ANKFN1: variants seen among roughly 807,000 people sequenced by gnomAD.
ANKFN1 encodes ankyrin repeat and fibronectin type III domain containing 1.
ANKFN1 carries 74 observed loss-of-function variants against 108.7 expected under a neutral mutation model. That is an observed-to-expected ratio of 0.68 (90% CI 0.56 to 0.83). The LOEUF (loss-of-function observed/expected upper bound fraction) is 0.83, where lower values mean the gene tolerates loss of function less well. Among genes scored for constraint, ANKFN1 ranks in the 40% least tolerant of loss-of-function variants. ANKFN1 has a pLI of 0.00. For synonymous variants in ANKFN1, 547 were observed against 516.2 expected, an observed-to-expected ratio of 1.06 and a Z score of -0.81; for missense variants, 1,505 against 1,382.3, an observed-to-expected ratio of 1.09 and a Z score of -1.41.
intron 4 of ANKFN1, among the ~76,000 whole-genome samples, chr17:56,061,711 C>T (rs1904979137): frequency 6.6e-6 from 1 of 152,100 alleles, no homozygotes; most frequent in African/African-American, 2.4e-5. Context: ...CAAAAAACAC[C>T]TCCTGGATTT....
intron 3 of ANKFN1, among the ~76,000 whole-genome samples, chr17:56,251,484 G>A (rs2043234928): frequency 6.6e-6 from 1 of 152,160 alleles, no homozygotes; most frequent in Non-Finnish European, 1.5e-5. Flanking sequence ...TCTGTTTGGG[G>A]CAGGTTTTTT....
intron 3 of ANKFN1, among the ~76,000 whole-genome samples, chr17:56,276,017 G>A (rs2144212047): frequency 6.6e-6 from 1 of 152,066 alleles, no homozygotes; most frequent in South Asian, 2.1e-4. Context: ...CCCTCCCCTA[G>A]CCTCCCACCC....
At chr17:56,449,498 G>T (rs564731681) in intron 11 of ANKFN1, among the ~76,000 whole-genome samples, 1 of 152,226 alleles carries the variant, frequency 6.6e-6, no homozygotes, top group Non-Finnish European at 1.5e-5. Flanking sequence ...AACGGGGCTA[G>T]CTCTTTGGGA....
intron 8 of ANKFN1, among the ~76,000 whole-genome samples, chr17:56,395,010 C>G (rs1307433872): frequency 6.6e-6 from 1 of 152,162 alleles, no homozygotes; most frequent in African/African-American, 2.4e-5. Context: ...GCTGAAGGGC[C>G]TCTCCAGTCC....
intron 4 of ANKFN1, among the ~76,000 whole-genome samples, chr17:56,100,299 C>G (rs866017502): frequency 3.3e-5 from 5 of 152,222 alleles, no homozygotes; most frequent in South Asian, 2.1e-4. Context: ...GCTGGAGCTC[C>G]TAGGATTTTA....
At chr17:56,362,784 A>G (rs1408862199) in intron 6 of ANKFN1, among the ~76,000 whole-genome samples, 1 of 152,224 alleles carries the variant, frequency 6.6e-6, no homozygotes, top group Non-Finnish European at 1.5e-5. Flanking sequence ...TTTTCACAGC[A>G]AAGGAAACAA....
At chr17:56,480,362 G>GA (rs2050653987) in intron 16 of ANKFN1, among the ~76,000 whole-genome samples, 1 of 152,102 alleles carries the variant, frequency 6.6e-6, no homozygotes, top group South Asian at 2.1e-4. Flanking sequence ...TGCAGAGAAA[G>GA]AAAAATGAAG....
In ANKFN1 at chr17:56,374,689, T is replaced by C. The variant is rs766114479; in HGVS notation, c.885T>C (p.Asn295=). 1.9e-6 allele frequency: 3 copies of C among 1,613,686 alleles called. No individual in the cohort carries two copies. The African/African-American group carries it at 4.0e-5, about 22-fold the overall frequency. ...TVSFQEPLSV[N]AAVVTRYKVE... ...GCTTCCAAGAGCCTCTTAGCGTCAA[T>C]GCAGCTGTAGTAACCAGGTATAAAG... The change falls in exon 8 of 21, where the codon AAT becomes AAC. Residue 295 remains asparagine, a synonymous_variant. Transcript: ENST00000682825.
chr17:56,455,758 A>G (rs1024001384), intron 11 of ANKFN1, among the ~76,000 whole-genome samples: 1 of 152,254 alleles, frequency 6.6e-6, no homozygotes, highest in Non-Finnish European at 1.5e-5. Context: ...TAAGCAGAAG[A>G]CCTGAACAGA....
chr17:56,492,428 G>A lies in ANKFN1; in HGVS notation c.2427+75G>A, dbSNP rs116193018. On this transcript the variant is annotated intron_variant, in intron 19 of 20. Transcript: ENST00000682825. ...GGAAAGGGTGAAAAGCCAAGCATGG[G>A]AAAGGACAGCAGTCCAGGCTGATTC... The A allele has an allele frequency of 4.8e-3, 3,248 of 674,854 alleles. 74 individuals carry two copies. In the African/African-American group the frequency reaches 0.051, roughly 11 times the overall value. The allele number at this position is 674,854 out of a possible 1,614,324, so 41.8% of individuals were successfully genotyped here.
intron 16 of ANKFN1, among the ~76,000 whole-genome samples, chr17:56,479,187 T>G (rs1431757330): frequency 3.3e-5 from 5 of 152,210 alleles, no homozygotes; most frequent in Non-Finnish European, 7.3e-5. Flanking sequence ...AAGGATCCAG[T>G]TTTCATTTGT....
chr17:56,407,931 CT>C (rs761975892), intron 8 of ANKFN1, among the ~76,000 whole-genome samples: 2,536 of 104,470 alleles, frequency 0.024, 25 homozygotes, highest in African/African-American at 0.068. Context: ...TCTTTTTTAT[CT>C]TTTTTTTTTT....
rs1425074780 is a variant in ANKFN1, at chr17:56,512,475, T to C, written c.*1206T>C. On this transcript the variant is annotated 3_prime_UTR_variant, in exon 21 of 21. Transcript: ENST00000682825. ...CAAGTGGTTAATTCCAAGGATGTGC[T>C]AAAAACATCTGGAAATCTTGCTTTG... Among the ~76,000 whole-genome samples the C allele has an allele frequency of 6.6e-6, 1 of 152,226 alleles. No individual in the cohort carries two copies. Among genetic ancestry groups the C allele is most frequent in the Non-Finnish European group, 1.5e-5 (1 of 68,034 alleles).
intron 4 of ANKFN1, among the ~76,000 whole-genome samples, chr17:56,348,411 G>T (rs2046161098): frequency 6.6e-6 from 1 of 151,850 alleles, no homozygotes; most frequent in African/African-American, 2.4e-5. Flanking sequence ...TTTGAAGAAA[G>T]TTGCAGACAA....
intron 20 of ANKFN1, among the ~76,000 whole-genome samples, chr17:56,507,437 T>C (rs1300432742): frequency 4.6e-5 from 7 of 152,222 alleles, no homozygotes; most frequent in South Asian, 2.1e-4. Context: ...GTGCTCACAA[T>C]TGATCACCCC....
Position 56,511,392 on chromosome 17 carries a change from A to G in ANKFN1, c.*123A>G. On this transcript the variant is annotated 3_prime_UTR_variant, in exon 21 of 21. Transcript: ENST00000682825. The stretch of plus-strand genomic sequence containing the variant: ...AAGCGTTTTGAATGTTATAAATACA[A>G]AGGTTACAAGTTCAAGGTCCTCTTT... 2 of 1,104,578 alleles carry G rather than the reference A, an allele frequency of 1.8e-6. No homozygotes were observed. Among genetic ancestry groups the G allele is most frequent in the East Asian group, 2.6e-5 (1 of 38,176 alleles). 68.4% of individuals were successfully genotyped at this position (1,104,578 alleles called of 1,614,324 possible). A position where few individuals can be genotyped will look rare whatever the true frequency, so the allele number is the denominator to read the frequency against.
intron 1 of ANKFN1, among the ~76,000 whole-genome samples, chr17:56,193,923 A>G (rs551687561): frequency 2.0e-5 from 3 of 152,364 alleles, no homozygotes; most frequent in East Asian, 1.9e-4. Flanking sequence ...TTAAAACCCA[A>G]TGAGAAGAAA....
chr17:56,398,322 C>T (rs1320708891), intron 8 of ANKFN1, among the ~76,000 whole-genome samples: 1 of 152,040 alleles, frequency 6.6e-6, no homozygotes, highest in Non-Finnish European at 1.5e-5. Flanking sequence ...TATGATTAGT[C>T]TCAGTAAAGA....
intron 8 of ANKFN1, among the ~76,000 whole-genome samples, chr17:56,438,950 G>T (rs1262451238): frequency 6.6e-6 from 1 of 152,160 alleles, no homozygotes; most frequent in Non-Finnish European, 1.5e-5. Context: ...CTAGAAAGAG[G>T]CAGTTAATGC....
Sources: gnomAD v4.1 joint callset for allele counts (sites outside exome capture counted in the v4.1 genomes callset) on GRCh38, gnomAD v4.1.1 for gene constraint, MANE v1.5 for transcripts, NCBI Gene and HGNC (gene_info 2026-07-23, HGNC 2026-07-21) for gene names.